KCNK17: variants seen among roughly 807,000 people sequenced by gnomAD.
The protein encoded by KCNK17 is potassium two pore domain channel subfamily K member 17.
Under a neutral mutation model 24.6 loss-of-function variants are expected in KCNK17, and 27 were observed. That is an observed-to-expected ratio of 1.10 (90% CI 0.81 to 1.51). The LOEUF is 1.51. Ranked by LOEUF, KCNK17 falls within the 40% of genes most tolerant of loss-of-function variation. The pLI, the probability that KCNK17 is intolerant of heterozygous loss-of-function variation, is 0.00. For synonymous variants in KCNK17, 181 were observed against 189.8 expected (o/e 0.95, Z 0.38); for missense variants, 450 against 436.6 (o/e 1.03, Z -0.27).
At position 39,314,286 on chromosome 6, in the gene KCNK17, C is replaced by A; in HGVS notation, c.35G>T (p.Gly12Val). ...YRPRARAAPE[G>V]RVRGCAVPST... ...GGGCACCGCGCAGCCCCGGACCCTG[C>A]CCTCGGGAGCCGCCCGGGCTCGCGG... The change falls in exon 1 of 5, where the codon GGC (glycine) becomes GTC (valine). Residue 12 changes from glycine (G) to valine (V), a missense_variant. Gly to Val is a moderately radical substitution (Grantham distance 109, BLOSUM62 -3). Transcript: ENST00000373231. 6.8e-7 allele frequency: 1 copy of A among 1,473,306 alleles called. No homozygotes were observed. Among genetic ancestry groups the A allele is most frequent in the South Asian group, 1.3e-5 (1 of 76,158 alleles). 91.3% of individuals were successfully genotyped at this position (1,473,306 alleles called of 1,614,324 possible). A position where few individuals can be genotyped will look rare whatever the true frequency, so the allele number is the denominator to read the frequency against.
At chr6:39,301,512 C>T (rs1012971258) in intron 4 of KCNK17, among the ~76,000 whole-genome samples, 6 of 152,380 alleles carry the variant, frequency 3.9e-5, no homozygotes, top group Admixed American at 3.9e-4. Context: ...GCTATGATTC[C>T]GCTGATGGTC....
chr6:39,313,302 C>A (rs745709948), intron 1 of KCNK17, among the ~76,000 whole-genome samples: 1 of 152,370 alleles, frequency 6.6e-6, no homozygotes, highest in East Asian at 1.9e-4. Context: ...CTCCCCTGAA[C>A]CCTGCCTTCA....
At chr6:39,305,521 ATAGGGAGAGGGGAAGC>A (rs1178279474) in intron 2 of KCNK17, among the ~76,000 whole-genome samples, 4 of 152,094 alleles carry the variant, frequency 2.6e-5, no homozygotes, top group Non-Finnish European at 4.4e-5. Flanking sequence ...GATCCTCAAG[ATAGGGAGAGGGGAAGC>A]TAGGGGAGGA....
chr6:39,300,623 G>T, intron 4 of KCNK17: 1 of 1,240,310 alleles, frequency 8.1e-7, no homozygotes, highest in Non-Finnish European at 1.1e-6. Context: ...CCTGTGAGAT[G>T]GGGAATACGA....
intron 2 of KCNK17, 33 bp from the exon 3 acceptor site, chr6:39,304,688 C>T: frequency 6.3e-7 from 1 of 1,595,742 alleles, no homozygotes; most frequent in Non-Finnish European, 8.6e-7. Context: ...GGGGACATTT[C>T]CAGCCCAGCC....
intron 2 of KCNK17, among the ~76,000 whole-genome samples, chr6:39,306,221 T>C (rs1024141270): frequency 3.3e-5 from 5 of 152,168 alleles, no homozygotes; most frequent in African/African-American, 2.4e-5. Flanking sequence ...TTTTTGTATT[T>C]TTAGTAGAGA....
At chr6:39,306,045 CTTTT>C (rs35104496) in intron 2 of KCNK17, among the ~76,000 whole-genome samples, 2 of 139,572 alleles carry the variant, frequency 1.4e-5, no homozygotes, top group Non-Finnish European at 1.6e-5. Flanking sequence ...GGGACTGGGT[CTTTT>C]TTTTTTTTTT....
intron 2 of KCNK17, among the ~76,000 whole-genome samples, 189 bp from the exon 3 acceptor site, chr6:39,304,844 C>T (rs544664682): frequency 7.8e-4 from 119 of 152,170 alleles, no homozygotes; most frequent in Non-Finnish European, 1.3e-3. Context: ...ACATTCATTC[C>T]CTCAGTTCAC....
In KCNK17 at chr6:39,314,406, T is replaced by G; in HGVS notation, c.-86A>C. The G allele has an allele frequency of 3.1e-6, 3 of 979,668 alleles. No individual in the cohort carries two copies. The highest frequency in any genetic ancestry group is 4.2e-6 in the Non-Finnish European group (3 of 706,354). The allele number at this position is 979,668 out of a possible 1,614,324, so 60.7% of individuals were successfully genotyped here. On this transcript the variant is annotated 5_prime_UTR_variant, in exon 1 of 5. Coordinates refer to ENST00000373231, the MANE Select transcript of KCNK17 (RefSeq NM_031460.4). ...GGCCAGGCGTCCAGCTCGTATCTCC[T>G]CTCGCAAACGCCTGCTGGTGCCCGG...
In KCNK17 at chr6:39,310,607, G is replaced by A. The variant is rs571544467; in HGVS notation, c.352+286C>T. On this transcript the variant is annotated intron_variant, in intron 2 of 4. Coordinates refer to ENST00000373231, the MANE Select transcript of KCNK17 (RefSeq NM_031460.4). ...TTTCTTGCTGTACTGGGAGACCTCT[G>A]CTTCCTGAAAGGCCATGTGGGGCAG... Among the ~76,000 whole-genome samples the A allele has an allele frequency of 1.0e-3, 154 of 152,242 alleles. 1 individual carries two copies. The highest frequency in any genetic ancestry group is 6.8e-3 in the South Asian group (33 of 4,826).
intron 1 of KCNK17, 114 bp from the exon 2 acceptor site, chr6:39,311,121 A>ACACAC (rs1562084401): frequency 6.1e-6 from 3 of 494,838 alleles, no homozygotes; most frequent in African/African-American, 5.2e-5. Flanking sequence ...CACACACACA[A>ACACAC]ACAAACCTAC....
At chr6:39,310,854 T>TGCCCCCC in intron 2 of KCNK17, 39 bp downstream of exon 2, 34 of 1,084,610 alleles carry the variant, frequency 3.1e-5, no homozygotes, top group Non-Finnish European at 3.5e-5. Context: ...GCTGCCTCCT[T>TGCCCCCC]CCCCCACCCC....
At chr6:39,311,071 TGC>T (rs1762126789) in intron 1 of KCNK17, 64 bp from the exon 2 acceptor site, 32 of 662,422 alleles carry the variant, frequency 4.8e-5, no homozygotes, top group Middle Eastern at 3.1e-4. Context: ...TACCCCAAGA[TGC>T]ACACACACAC....
rs1314679910 is a variant in KCNK17 at position 39,299,449 on chromosome 6, G to T, written c.977C>A (p.Ala326Glu). 6.2e-7 allele frequency: 1 copy of T among 1,613,512 alleles called. No homozygotes were observed. Among genetic ancestry groups the T allele is most frequent in the Admixed American group, 1.7e-5 (1 of 60,022 alleles). The change falls in exon 5 of 5, where the codon GCA (alanine) becomes GAA (glutamate). Residue 326 changes from alanine to glutamate, a missense_variant. Coordinates refer to ENST00000373231, the MANE Select transcript of KCNK17 (RefSeq NM_031460.4). Reference protein sequence around the residue: ...IQHLEPSAHAAGCGKDS With the variant: ...IQHLEPSAHAEGCGKDS ...TAACTAGCTGTCCTTGCCACAGCCT[G>T]CAGCGTGAGCAGAAGGTTCCAGATG...
rs967342387 is a variant in KCNK17 at position 39,306,030 on chromosome 6, G to A, written c.353-1375C>T. Among the ~76,000 whole-genome samples the A allele has an allele frequency of 2.0e-5, 3 of 151,116 alleles. No homozygotes were observed. The South Asian group carries it at 6.3e-4, about 32-fold the overall frequency. On this transcript the variant is annotated intron_variant, in intron 2 of 4. Coordinates refer to ENST00000373231, the MANE Select transcript of KCNK17 (RefSeq NM_031460.4). The stretch of plus-strand genomic sequence containing the variant: ...CAAGTATATGCTCTGAGCCCCTCAA[G>A]AGCAGGGACTGGGTCTTTTTTTTTT...
chr6:39,314,038 G>A (rs1274784665), intron 1 of KCNK17, 46 bp downstream of exon 1: 1 of 1,453,496 alleles, frequency 6.9e-7, no homozygotes, highest in Non-Finnish European at 9.2e-7. Flanking sequence ...CCCGCGGCCC[G>A]CTACCCCATC....
chr6:39,303,896 G>A lies in KCNK17; in HGVS notation c.688+61C>T, dbSNP rs958354299. 3.2e-6 allele frequency: 5 copies of A among 1,562,014 alleles called. No individual in the cohort carries two copies. The African/African-American group carries it at 6.7e-5, about 21-fold the overall frequency. On this transcript the variant is annotated intron_variant, in intron 4 of 4. Transcript: ENST00000373231. ...AGCAGGTGCGCCAGCTGCGGGAGCAGATGAGTGAGAGGTATAGGCAGCCGA... is the reference window on the plus strand; with the variant it reads ...AGCAGGTGCGCCAGCTGCGGGAGCAAATGAGTGAGAGGTATAGGCAGCCGA...
intron 2 of KCNK17, among the ~76,000 whole-genome samples, chr6:39,305,970 A>G (rs1050609588): frequency 1.3e-5 from 2 of 151,944 alleles, no homozygotes; most frequent in African/African-American, 4.8e-5. Flanking sequence ...TGTGTGAGAA[A>G]GATTTGTTTC....
At chr6:39,312,060 G>T (rs1369893063) in intron 1 of KCNK17, among the ~76,000 whole-genome samples, 2 of 152,214 alleles carry the variant, frequency 1.3e-5, no homozygotes, top group African/African-American at 4.8e-5. Flanking sequence ...GACGGGCCCT[G>T]GCCTGTCTCC....
Sources: gnomAD v4.1 joint callset for allele counts (sites outside exome capture counted in the v4.1 genomes callset) on GRCh38, gnomAD v4.1.1 for gene constraint, MANE v1.5 for transcripts, NCBI Gene and HGNC (gene_info 2026-07-23, HGNC 2026-07-21) for gene names.